PCDH9: variants seen among roughly 807,000 people sequenced by gnomAD.
The protein encoded by PCDH9 is protocadherin-9.
Under a neutral mutation model 70.6 loss-of-function variants are expected in PCDH9, and 24 were observed. The observed-to-expected ratio is 0.34, with a 90% CI of 0.25 to 0.48. The LOEUF is 0.48. Ranked by LOEUF, PCDH9 falls within the 20% of genes least tolerant of loss-of-function variation. PCDH9 has a pLI of 0.99. For synonymous variants in PCDH9, 562 were observed against 558.5 expected (o/e 1.01, Z -0.09); for missense variants, 1,281 against 1,503.6 (o/e 0.85, Z 2.45).
chr13:67,073,057 G>C (rs576444976), intron 2 of PCDH9, among the ~76,000 whole-genome samples: 18 of 152,046 alleles, frequency 1.2e-4, no homozygotes, highest in Non-Finnish European at 2.6e-4. Flanking sequence ...CAATTGATTC[G>C]CTGAATTTCA....
At chr13:67,039,200 T>A (rs1382855761) in intron 2 of PCDH9, among the ~76,000 whole-genome samples, 1 of 152,158 alleles carries the variant, frequency 6.6e-6, no homozygotes, top group Non-Finnish European at 1.5e-5. Flanking sequence ...TGTAACAAGG[T>A]TGTGAGTTGT....
intron 4 of PCDH9, among the ~76,000 whole-genome samples, chr13:66,537,389 T>A (rs867941103): frequency 1.3e-5 from 2 of 152,102 alleles, no homozygotes; most frequent in Non-Finnish European, 2.9e-5. Context: ...TATTTTGATA[T>A]ATATAATAAA....
At chr13:66,631,163 C>G in intron 4 of PCDH9, 47 bp downstream of exon 4, 1 of 982,490 alleles carries the variant, frequency 1.0e-6, no homozygotes. Flanking sequence ...AAGTGCACTA[C>G]AAAACCAGAA....
intron 2 of PCDH9, among the ~76,000 whole-genome samples, chr13:67,012,100 T>C (rs2084462585): frequency 6.6e-6 from 1 of 151,866 alleles, no homozygotes; most frequent in Non-Finnish European, 1.5e-5. Flanking sequence ...TTCTTCCTTT[T>C]TCTTTCCTTC....
At chr13:66,824,677 T>TGC in intron 3 of PCDH9, among the ~76,000 whole-genome samples, 1 of 54,416 alleles carries the variant, frequency 1.8e-5, no homozygotes, top group Non-Finnish European at 5.0e-5. Context: ...TATATATATA[T>TGC]ATATATATAT....
intron 4 of PCDH9, among the ~76,000 whole-genome samples, chr13:66,472,682 A>G (rs1388939822): frequency 1.3e-5 from 2 of 152,184 alleles, no homozygotes; most frequent in Non-Finnish European, 2.9e-5. Context: ...AAGTGATTCC[A>G]GATCTCTCAT....
At chr13:66,406,997 A>T (rs912090918) in intron 4 of PCDH9, among the ~76,000 whole-genome samples, 3 of 152,156 alleles carry the variant, frequency 2.0e-5, no homozygotes, top group Admixed American at 1.3e-4. Flanking sequence ...AGAGGCAGCT[A>T]AAGAAAGCAG....
intron 3 of PCDH9, among the ~76,000 whole-genome samples, chr13:66,643,257 A>T (rs551745958): frequency 6.6e-6 from 1 of 152,220 alleles, no homozygotes; most frequent in South Asian, 2.1e-4. Context: ...TACTCTACTC[A>T]GCTAGAATCA....
Position 66,332,205 on chromosome 13 carries a change from T to C in PCDH9, c.3341-27177A>G, listed in dbSNP as rs528058787. On this transcript the variant is annotated intron_variant, in intron 4 of 4. Coordinates refer to ENST00000377865, the MANE Select transcript of PCDH9 (RefSeq NM_203487.3). The stretch of plus-strand genomic sequence containing the variant: ...TTCTGAGGCATTTAGAAGTGCTAAG[T>C]AACTTTCCACTATGAAGCAATGCTG... Among the ~76,000 whole-genome samples the C allele has an allele frequency of 3.3e-5, 5 of 152,158 alleles. No homozygotes were observed. The East Asian group carries it at 7.8e-4, about 24-fold the overall frequency.
chr13:67,222,800 A>G (rs1407721803), intron 2 of PCDH9: 1 of 152,172 alleles, frequency 6.6e-6, no homozygotes, highest in East Asian at 1.9e-4. Context: ...TAGTTAAAAA[A>G]GTTTTTACTT....
At chr13:66,944,817 C>CTGTGTGTGTGTGTGTGTGTGTGTG (rs67182136) in intron 2 of PCDH9, among the ~76,000 whole-genome samples, 1 of 135,348 alleles carries the variant, frequency 7.4e-6, no homozygotes, top group African/African-American at 2.8e-5. Flanking sequence ...CTAATCGTCT[C>CTGTGTGTGTGTGTGTGTGTGTGTG]TGTGTGTGTG....
chr13:66,704,979 TA>T (rs202213411), intron 3 of PCDH9, among the ~76,000 whole-genome samples: 2,981 of 152,214 alleles, frequency 0.02, 104 homozygotes, highest in African/African-American at 0.068. Context: ...TGCTTAAGTA[TA>T]AAAAAAGTTA....
chr13:66,676,394 C>T (rs554351049), intron 3 of PCDH9, among the ~76,000 whole-genome samples: 2 of 142,530 alleles, frequency 1.4e-5, no homozygotes, highest in East Asian at 3.9e-4. Context: ...TAAGCTTATA[C>T]ATTACTTATT....
At chr13:67,103,720 T>C (rs1008759973) in intron 2 of PCDH9, among the ~76,000 whole-genome samples, 7 of 152,200 alleles carry the variant, frequency 4.6e-5, no homozygotes, top group Admixed American at 3.3e-4. Flanking sequence ...AAACAGTAAC[T>C]TAGCTTGTAC....
chr13:67,062,953 G>A (rs1372671053), intron 2 of PCDH9, among the ~76,000 whole-genome samples: 1 of 152,152 alleles, frequency 6.6e-6, no homozygotes, highest in East Asian at 1.9e-4. Flanking sequence ...GTGCTAAGCA[G>A]AGCCTAAGAG....
rs576984398 is a variant in PCDH9 at position 67,219,687 on chromosome 13, G to T, written c.3036+5718C>A. On this transcript the variant is annotated intron_variant, in intron 2 of 4. Coordinates refer to ENST00000377865, the MANE Select transcript of PCDH9 (RefSeq NM_203487.3). Reference sequence around the variant, plus strand: ...TAATAAATCTGATATAATGGTTAGGGTCCTTATATGTAATAAATTGTGGAA... The same window carrying T: ...TAATAAATCTGATATAATGGTTAGGTTCCTTATATGTAATAAATTGTGGAA... 7 of 152,020 alleles carry T rather than the reference G, an allele frequency of 4.6e-5. No homozygotes were observed. In the East Asian group the frequency reaches 7.7e-4, roughly 17 times the overall value. The allele number at this position is 152,020 out of a possible 1,614,324, so 9.4% of individuals were successfully genotyped here.
intron 3 of PCDH9, among the ~76,000 whole-genome samples, chr13:66,712,805 C>T (rs2146746): frequency 1.3e-5 from 2 of 151,882 alleles, no homozygotes; most frequent in Admixed American, 1.3e-4. Context: ...GCTTTTCCTG[C>T]ACAAACTAGA....
At chr13:66,709,967 A>G (rs1359485442) in intron 3 of PCDH9, among the ~76,000 whole-genome samples, 3 of 152,088 alleles carry the variant, frequency 2.0e-5, no homozygotes, top group African/African-American at 2.4e-5. Context: ...TAGAAATAAT[A>G]TTTTTCATAG....
intron 4 of PCDH9, among the ~76,000 whole-genome samples, chr13:66,569,367 T>C (rs1208176278): frequency 1.3e-5 from 2 of 151,958 alleles, no homozygotes; most frequent in Non-Finnish European, 2.9e-5. Flanking sequence ...TAAAAATAAA[T>C]TACAAACTCA....
Sources: allele counts gnomAD v4.1 joint callset (sites outside exome capture counted in the v4.1 genomes callset), GRCh38; gene constraint gnomAD v4.1.1; transcripts MANE v1.5; gene names NCBI Gene and HGNC (gene_info 2026-07-23, HGNC 2026-07-21).